The following KDM4C variants were observed in gnomAD, a reference collection of about 807,000 sequenced individuals.
KDM4C encodes the protein lysine-specific demethylase 4C.
Under a neutral mutation model 129.3 loss-of-function variants are expected in KDM4C, and 81 were observed. That is an observed-to-expected ratio of 0.63 (90% CI 0.52 to 0.75). The LOEUF is 0.75. Among genes scored for constraint, KDM4C ranks in the 30% least tolerant of loss-of-function variants. The pLI is 0.00. For synonymous variants in KDM4C, 573 were observed against 456.1 expected (o/e 1.26, Z -3.26); for missense variants, 1,457 against 1,304.0 (o/e 1.12, Z -1.81).
chr9:7,104,941 G>T (rs7869317), intron 18 of KDM4C, among the ~76,000 whole-genome samples: 77,825 of 152,070 alleles, frequency 0.51, 20,583 homozygotes, highest in East Asian at 0.74. Flanking sequence ...TGGGGATCTG[G>T]GCAGATGTGA....
Position 7,154,864 on chromosome 9 carries a change from C to T in KDM4C, c.2782-10374C>T, listed in dbSNP as rs1194838735. The stretch of plus-strand genomic sequence containing the variant: ...GTAGATTTCAGGCGAGTTTACACAT[C>T]CCTAGAGGCAGTACAGCAAACGGCA... On this transcript the variant is annotated intron_variant, in intron 19 of 21. Coordinates refer to ENST00000381309, the MANE Select transcript of KDM4C (RefSeq NM_015061.6). Among the ~76,000 whole-genome samples the T allele has an allele frequency of 2.0e-5, 3 of 152,152 alleles. No individual in the cohort carries two copies. The East Asian group carries it at 5.8e-4, about 29-fold the overall frequency.
intron 15 of KDM4C, among the ~76,000 whole-genome samples, chr9:7,022,894 A>G (rs1025827496): frequency 2.6e-5 from 4 of 152,164 alleles, no homozygotes; most frequent in East Asian, 1.9e-4. Context: ...TTCAGCATCA[A>G]TTGCAGTGAT....
intron 1 of KDM4C, among the ~76,000 whole-genome samples, chr9:6,773,166 A>G (rs182365783): frequency 9.9e-5 from 15 of 151,854 alleles, no homozygotes; most frequent in African/African-American, 3.6e-4. Flanking sequence ...CACCTGGCTA[A>G]TTTTTTAATT....
chr9:7,135,107 G>A (rs747857328), intron 19 of KDM4C, among the ~76,000 whole-genome samples: 5 of 152,156 alleles, frequency 3.3e-5, no homozygotes, highest in Non-Finnish European at 5.9e-5. Context: ...AATTGTGTGT[G>A]TCTCACTGAC....
intron 4 of KDM4C, among the ~76,000 whole-genome samples, chr9:6,845,696 A>C (rs556697428): frequency 6.6e-6 from 1 of 152,350 alleles, no homozygotes; most frequent in South Asian, 2.1e-4. Flanking sequence ...ACAGGCTCCA[A>C]CTGGGTAATT....
intron 17 of KDM4C, among the ~76,000 whole-genome samples, chr9:7,067,747 T>C (rs1832630656): frequency 6.6e-6 from 1 of 152,118 alleles, no homozygotes; most frequent in African/African-American, 2.4e-5. Context: ...CGTCTTTAGC[T>C]CCATGCCACT....
chr9:6,993,735 C>T (rs1297183811), intron 12 of KDM4C, among the ~76,000 whole-genome samples: 1 of 152,190 alleles, frequency 6.6e-6, no homozygotes, highest in East Asian at 1.9e-4. Flanking sequence ...GAAGGGCGGC[C>T]AGCTTAGAAA....
At chr9:6,869,536 G>T (rs747738778) in intron 5 of KDM4C, among the ~76,000 whole-genome samples, 4 of 152,218 alleles carry the variant, frequency 2.6e-5, no homozygotes, top group South Asian at 2.1e-4. Context: ...TGCTCACAGT[G>T]GGGGAGGCAG....
At chr9:6,886,317 C>T (rs1306257085) in intron 6 of KDM4C, among the ~76,000 whole-genome samples, 1 of 151,278 alleles carries the variant, frequency 6.6e-6, no homozygotes, top group Non-Finnish European at 1.5e-5. Flanking sequence ...TTCCTTCCTT[C>T]CTATCTTTTT....
intron 12 of KDM4C, among the ~76,000 whole-genome samples, chr9:7,003,766 C>T (rs764608018): frequency 6.6e-6 from 1 of 152,098 alleles, no homozygotes; most frequent in South Asian, 2.1e-4. Context: ...CTTTTGAACA[C>T]AGCTTTATAA....
intron 8 of KDM4C, among the ~76,000 whole-genome samples, chr9:6,901,591 G>C (rs1039015934): frequency 3.9e-5 from 6 of 152,162 alleles, no homozygotes; most frequent in African/African-American, 1.4e-4. Flanking sequence ...ATCTTTCCTT[G>C]AAACACACTT....
chr9:6,859,864 C>CA (rs34669716), intron 5 of KDM4C, among the ~76,000 whole-genome samples: 3,237 of 85,022 alleles, frequency 0.038, 55 homozygotes, highest in African/African-American at 0.079. Context: ...GACTCCGTCT[C>CA]AAAAAAAAAA....
intron 12 of KDM4C, among the ~76,000 whole-genome samples, chr9:7,009,868 T>G (rs1299031887): frequency 6.6e-6 from 1 of 152,168 alleles, no homozygotes; most frequent in African/African-American, 2.4e-5. Flanking sequence ...ATTAGAACAT[T>G]TCTCATAGAC....
chr9:7,117,106 A>G (rs949038777), intron 18 of KDM4C, among the ~76,000 whole-genome samples: 5 of 152,210 alleles, frequency 3.3e-5, no homozygotes, highest in Non-Finnish European at 5.9e-5. Context: ...AACAGTCTTC[A>G]AAAGTTATAG....
At chr9:7,105,272 C>A in intron 18 of KDM4C, 1 of 330,632 alleles carries the variant, frequency 3.0e-6, no homozygotes, top group Non-Finnish European at 6.2e-6. Context: ...CCTCTGAAGT[C>A]AGAGTAGTTG....
chr9:6,859,900 G>A (rs543960291), intron 5 of KDM4C, among the ~76,000 whole-genome samples: 133 of 151,428 alleles, frequency 8.8e-4, no homozygotes, highest in Non-Finnish European at 1.3e-3. Context: ...ATTATTTAGA[G>A]TCTTAAAGGT....
chr9:6,843,628 C>T (rs1269802086), intron 4 of KDM4C, among the ~76,000 whole-genome samples: 1 of 152,118 alleles, frequency 6.6e-6, no homozygotes, highest in Non-Finnish European at 1.5e-5. Flanking sequence ...ATTGAGAAAC[C>T]ATCAGATCCT....
chr9:7,030,270 A>G (rs1303524546), intron 15 of KDM4C, among the ~76,000 whole-genome samples: 1 of 152,202 alleles, frequency 6.6e-6, no homozygotes, highest in African/African-American at 2.4e-5. Flanking sequence ...GAAATATAGA[A>G]GAATAACATG....
chr9:6,873,046 C>G (rs1322175987), intron 5 of KDM4C, among the ~76,000 whole-genome samples: 2 of 152,132 alleles, frequency 1.3e-5, no homozygotes, highest in Non-Finnish European at 2.9e-5. Context: ...CCTGCCTCAG[C>G]CTTCTGAGTA....
Sources: allele counts gnomAD v4.1 joint callset (sites outside exome capture counted in the v4.1 genomes callset), GRCh38; gene constraint gnomAD v4.1.1; transcripts MANE v1.5; gene names NCBI Gene and HGNC (gene_info 2026-07-23, HGNC 2026-07-21).